The following FBXL5 variants were observed in gnomAD, a reference collection of about 807,000 sequenced individuals.
FBXL5 encodes F-box/LRR-repeat protein 5.
In FBXL5, 26 loss-of-function variants were observed where a neutral mutation model predicts 78.3. The observed-to-expected ratio is 0.33, with a 90% CI of 0.24 to 0.46. The LOEUF is 0.46. Among genes scored for constraint, FBXL5 ranks in the 20% least tolerant of loss-of-function variants. The pLI is 1.00. For missense variants in FBXL5, 710 were observed against 829.2 expected (o/e 0.86, Z 1.77); for synonymous variants, 295 against 282.5 (o/e 1.04, Z -0.45).
intron 9 of FBXL5, among the ~76,000 whole-genome samples, chr4:15,623,802 G>A (rs1712724386): frequency 6.6e-6 from 1 of 151,702 alleles, no homozygotes; most frequent in Non-Finnish European, 1.5e-5. Flanking sequence ...TACTGTATAT[G>A]ACTTATGAAA....
chr4:15,613,308 T>C (rs1357471856), intron 9 of FBXL5, among the ~76,000 whole-genome samples: 3 of 152,192 alleles, frequency 2.0e-5, no homozygotes, highest in Non-Finnish European at 4.4e-5. Context: ...TAAAAATCAC[T>C]GAATTAATCG....
chr4:15,673,030 TG>T (rs1296218694), intron 1 of FBXL5, among the ~76,000 whole-genome samples: 1 of 152,186 alleles, frequency 6.6e-6, no homozygotes, highest in African/African-American at 2.4e-5. Flanking sequence ...GGCAATAACA[TG>T]CACAAAGCTG....
upstream of FBXL5, among the ~76,000 whole-genome samples, chr4:15,662,899 C>G (rs565969018): frequency 6.6e-6 from 1 of 152,228 alleles, no homozygotes; most frequent in East Asian, 1.9e-4. Flanking sequence ...TTGTTACTAC[C>G]AGATCTTTGT....
intron 5 of FBXL5, among the ~76,000 whole-genome samples, chr4:15,634,185 AT>A (rs544052873): frequency 1.3e-4 from 20 of 150,360 alleles, no homozygotes; most frequent in African/African-American, 3.9e-4. Flanking sequence ...ATTTCTATTG[AT>A]TTTTTTTTTC....
In FBXL5 at chr4:15,670,017, C is replaced by T. The variant is rs373036775; in HGVS notation, c.-283-10095G>A. Among the ~76,000 whole-genome samples the T allele has an allele frequency of 7.9e-5, 12 of 152,306 alleles. No individual in the cohort carries two copies. The East Asian group carries it at 1.9e-3, about 24-fold the overall frequency. On this transcript the variant is annotated intron_variant, in intron 1 of 4. Transcript: ENST00000507899. ...TTTGAAAGAAATAAAATTAGAGCTA[C>T]TGTATTGTTATATCTCACTTCCTGA...
intron 9 of FBXL5, among the ~76,000 whole-genome samples, chr4:15,613,642 T>C (rs567081525): frequency 3.3e-5 from 5 of 152,150 alleles, no homozygotes; most frequent in African/African-American, 1.2e-4. Flanking sequence ...TTATTCTTTT[T>C]TCTTTGTTGG....
chr4:15,604,743 T>C lies in FBXL5; in HGVS notation c.*980A>G, dbSNP rs947879110. On this transcript the variant is annotated 3_prime_UTR_variant, in exon 11 of 11. Transcript: ENST00000341285. ...GACATAAAATTGTACTAAAAGGCAC[T>C]AGTATGTGCCTTTCTGGGTGGCAGG... 2.6e-5 allele frequency: 4 copies of C among 152,240 alleles called. No homozygotes were observed. Among genetic ancestry groups the C allele is most frequent in the Admixed American group, 6.5e-5 (1 of 15,284 alleles). 9.4% of individuals were successfully genotyped at this position (152,240 alleles called of 1,614,324 possible).
At chr4:15,641,601 G>A (rs535216601) in intron 2 of FBXL5, 2 of 458,140 alleles carry the variant, frequency 4.4e-6, no homozygotes, top group Admixed American at 2.3e-5. Flanking sequence ...TATGTTATTG[G>A]TAAGGCTTCC....
chr4:15,615,102 C>T (rs931263539), intron 9 of FBXL5, among the ~76,000 whole-genome samples: 13 of 152,138 alleles, frequency 8.5e-5, no homozygotes, highest in Admixed American at 8.5e-4. Context: ...GCAGTGCCAG[C>T]CCACCGGCAC....
chr4:15,612,281 A>G lies in FBXL5; in HGVS notation c.1984T>C (p.Cys662Arg). 6.2e-7 allele frequency: 1 copy of G among 1,603,690 alleles called. No individual in the cohort carries two copies. Among genetic ancestry groups the G allele is most frequent in the Non-Finnish European group, 8.5e-7 (1 of 1,176,384 alleles). ...AAGGCATTACCGTTAATGTTGTCACAGTAGTAAAAGTATTCATCATTCAGA... is the reference window on the plus strand; with the variant it reads ...AAGGCATTACCGTTAATGTTGTCACGGTAGTAAAAGTATTCATCATTCAGA... ...PSLNDEYFYY[C>R]DNINGPHADT... is the part of the protein sequence containing the mutation. The change falls in exon 10 of 11, where the codon TGT (cysteine) becomes CGT (arginine). Residue 662 changes from cysteine (C) to arginine (R), a missense_variant. Physicochemically the swap from Cys to Arg is radical, Grantham distance 180. This residue lies in a region of FBXL5 where 58 missense variants were observed against 112.3 expected (regional missense o/e 0.52). Coordinates refer to ENST00000341285, the MANE Select transcript of FBXL5 (RefSeq NM_012161.4).
intron 1 of FBXL5, among the ~76,000 whole-genome samples, chr4:15,675,377 C>G (rs1311427298): frequency 6.6e-6 from 1 of 152,102 alleles, no homozygotes; most frequent in African/African-American, 2.4e-5. Context: ...TGACCAACTA[C>G]TACTATAGTA....
chr4:15,649,594 A>AG lies in FBXL5; in HGVS notation c.85-4887_85-4886insC, dbSNP rs1553853534. Among the ~76,000 whole-genome samples the AG allele has an allele frequency of 1.4e-3, 207 of 150,710 alleles. 1 individual carries two copies. Among genetic ancestry groups the AG allele is most frequent in the African/African-American group, 4.8e-3 (197 of 40,676 alleles). Reference sequence around the variant, plus strand: ...ACTACGTCTCAAAAAAAAAAAAAAAAAAAGAAAGAAAGAAAAGAATAAACA... The same window carrying AG: ...ACTACGTCTCAAAAAAAAAAAAAAAAGAAAGAAAGAAAGAAAAGAATAAACA... On this transcript the variant is annotated intron_variant, in intron 1 of 10. Coordinates refer to ENST00000341285, the MANE Select transcript of FBXL5 (RefSeq NM_012161.4).
At position 15,605,154 on chromosome 4, in the gene FBXL5, T is replaced by A. The variant is rs1577411599; in HGVS notation, c.*569A>T. On this transcript the variant is annotated 3_prime_UTR_variant, in exon 11 of 11. Coordinates refer to ENST00000341285, the MANE Select transcript of FBXL5 (RefSeq NM_012161.4). Reference sequence around the variant, plus strand: ...AGGAAACAAATATCGATTGGTGCTTTCCTAGCTCACTGAGCTAACACTCAG... The same window carrying A: ...AGGAAACAAATATCGATTGGTGCTTACCTAGCTCACTGAGCTAACACTCAG... The A allele has an allele frequency of 1.3e-5, 2 of 152,730 alleles. No individual in the cohort carries two copies. The highest frequency in any genetic ancestry group is 4.1e-4 in the South Asian group (2 of 4,832). 9.5% of individuals were successfully genotyped at this position (152,730 alleles called of 1,614,324 possible).
upstream of FBXL5, among the ~76,000 whole-genome samples, chr4:15,657,736 T>C (rs1445203704): frequency 1.3e-5 from 2 of 152,242 alleles, no homozygotes; most frequent in Admixed American, 6.5e-5. Flanking sequence ...TCACCTGATA[T>C]ATCCAAAATA....
intron 5 of FBXL5, among the ~76,000 whole-genome samples, chr4:15,635,917 T>C (rs1577457953): frequency 6.6e-6 from 1 of 152,246 alleles, no homozygotes; most frequent in East Asian, 1.9e-4. Flanking sequence ...TAATTTACTA[T>C]AATGATATTA....
chr4:15,604,545 GAGA>G lies in FBXL5; in HGVS notation c.*1175_*1177del, dbSNP rs1313653896. 1 of 152,120 alleles carries G rather than the reference GAGA, an allele frequency of 6.6e-6. No individual in the cohort carries two copies. The highest frequency in any genetic ancestry group is 2.4e-5 in the African/African-American group (1 of 41,420). 9.4% of individuals were successfully genotyped at this position (152,120 alleles called of 1,614,324 possible). On this transcript the variant is annotated 3_prime_UTR_variant, in exon 11 of 11. Transcript: ENST00000341285. ...TATCACAATATACGAGACATGAAAGGAGAAGTTTTATTGGAAACATGGCACCAA... is the reference window on the plus strand; with the variant it reads ...TATCACAATATACGAGACATGAAAGGAGTTTTATTGGAAACATGGCACCAA...
At chr4:15,644,752 A>T (rs1715202219) in intron 1 of FBXL5, 44 bp from the exon 2 acceptor site, 1 of 1,354,066 alleles carries the variant, frequency 7.4e-7, no homozygotes, top group East Asian at 2.4e-5. Flanking sequence ...ATACGTGCAA[A>T]TATGCACAAA....
chr4:15,638,429 C>T, intron 4 of FBXL5, 79 bp downstream of exon 4: 1 of 1,102,656 alleles, frequency 9.1e-7, no homozygotes, highest in Non-Finnish European at 1.2e-6. Flanking sequence ...TATTCCTCAA[C>T]CAAAATCTAC....
chr4:15,640,023 G>T (rs1714685032), intron 3 of FBXL5, among the ~76,000 whole-genome samples: 1 of 152,076 alleles, frequency 6.6e-6, no homozygotes, highest in Non-Finnish European at 1.5e-5. Context: ...ATGTACAGTA[G>T]GCTTAAGATA....
Sources: allele counts gnomAD v4.1 joint callset (sites outside exome capture counted in the v4.1 genomes callset), GRCh38; gene constraint gnomAD v4.1.1; regional missense constraint gnomAD v4.1.1; transcripts MANE v1.5; gene names NCBI Gene and HGNC (gene_info 2026-07-23, HGNC 2026-07-21).